LRP1B: variants seen among roughly 807,000 people sequenced by gnomAD.
LRP1B encodes the protein LDL receptor related protein 1B, also known as low-density lipoprotein receptor-related protein 1B.
Under a neutral mutation model 556.6 loss-of-function variants are expected in LRP1B, and 217 were observed. That is an observed-to-expected ratio of 0.39 (90% CI 0.35 to 0.44). The LOEUF (loss-of-function observed/expected upper bound fraction) is 0.44. Among genes scored for constraint, LRP1B ranks in the 20% least tolerant of loss-of-function variants. The probability of loss-of-function intolerance (pLI) is 1.00; values close to 1 mark genes in which losing one functional copy is unlikely to be tolerated. For missense variants in LRP1B, 5,053 were observed against 5,620.8 expected (o/e 0.90, Z 3.23); for synonymous variants, 2,047 against 1,865.8 (o/e 1.10, Z -2.50).
intron 2 of LRP1B, among the ~76,000 whole-genome samples, chr2:141,628,403 A>T (rs150725033): frequency 3.8e-3 from 586 of 152,228 alleles, no homozygotes; most frequent in Admixed American, 6.8e-3. Flanking sequence ...ACAAAAGCAA[A>T]CTGTACTCAC....
chr2:141,931,785 AC>A (rs1700514603), intron 1 of LRP1B, among the ~76,000 whole-genome samples: 1 of 152,056 alleles, frequency 6.6e-6, no homozygotes, highest in African/African-American at 2.4e-5. Context: ...TGCAAAAAGA[AC>A]CTGATTTCAA....
chr2:141,322,607 C>A (rs1393125391), intron 3 of LRP1B, among the ~76,000 whole-genome samples: 2 of 151,988 alleles, frequency 1.3e-5, no homozygotes, highest in Admixed American at 1.3e-4. Context: ...TGCTGTGAGA[C>A]TTGAGAGATG....
At chr2:141,722,382 G>A (rs1025164091) in intron 2 of LRP1B, among the ~76,000 whole-genome samples, 1 of 151,916 alleles carries the variant, frequency 6.6e-6, no homozygotes, top group Non-Finnish European at 1.5e-5. Flanking sequence ...CATCTTGGGG[G>A]GAAAAAATGG....
At chr2:141,333,021 C>G (rs1223749665) in intron 3 of LRP1B, among the ~76,000 whole-genome samples, 1 of 151,796 alleles carries the variant, frequency 6.6e-6, no homozygotes, top group African/African-American at 2.4e-5. Flanking sequence ...TTTTTAAAAT[C>G]TTTTTTTAAC....
chr2:140,547,500 T>C (rs1477084753), intron 43 of LRP1B, among the ~76,000 whole-genome samples: 2 of 152,102 alleles, frequency 1.3e-5, no homozygotes, highest in Non-Finnish European at 2.9e-5. Flanking sequence ...AGTGGTAATA[T>C]CTCCTTTCTC....
chr2:141,305,550 G>C (rs1393779506), intron 3 of LRP1B, among the ~76,000 whole-genome samples: 1 of 152,150 alleles, frequency 6.6e-6, no homozygotes, highest in Non-Finnish European at 1.5e-5. Flanking sequence ...GGGAGAATTT[G>C]AATTCCCGTT....
intron 7 of LRP1B, among the ~76,000 whole-genome samples, chr2:141,103,768 C>T (rs1479384477): frequency 6.6e-6 from 1 of 150,588 alleles, no homozygotes; most frequent in African/African-American, 2.4e-5. Flanking sequence ...TACAAAAGGC[C>T]TATATAAGCA....
chr2:140,402,889 C>G (rs1684568832), intron 66 of LRP1B, among the ~76,000 whole-genome samples: 2 of 152,166 alleles, frequency 1.3e-5, no homozygotes, highest in African/African-American at 4.8e-5. Context: ...GTGCATACCA[C>G]AGGAGAAGGA....
At chr2:141,027,199 G>T (rs147068379) in intron 11 of LRP1B, among the ~76,000 whole-genome samples, 50 of 152,144 alleles carry the variant, frequency 3.3e-4, no homozygotes, top group Non-Finnish European at 5.9e-4. Context: ...CAATCACAAA[G>T]ACCGTATATA....
At chr2:141,384,895 T>C (rs960042671) in intron 3 of LRP1B, among the ~76,000 whole-genome samples, 1 of 152,142 alleles carries the variant, frequency 6.6e-6, no homozygotes, top group Non-Finnish European at 1.5e-5. Context: ...TTCCTACCTC[T>C]CCCATCTGCC....
At chr2:141,144,602 C>T (rs1482396965) in intron 7 of LRP1B, among the ~76,000 whole-genome samples, 1 of 152,110 alleles carries the variant, frequency 6.6e-6, no homozygotes, top group East Asian at 1.9e-4. Context: ...ACTTTATAAC[C>T]ATACACTTCA....
chr2:141,848,325 G>A (rs527241434), intron 1 of LRP1B, among the ~76,000 whole-genome samples: 2 of 151,552 alleles, frequency 1.3e-5, no homozygotes, highest in African/African-American at 2.4e-5. Flanking sequence ...GTGAAGGGAG[G>A]ACATGAAATA....
At chr2:142,024,952 G>C (rs1703457409) in intron 1 of LRP1B, among the ~76,000 whole-genome samples, 1 of 152,034 alleles carries the variant, frequency 6.6e-6, no homozygotes, top group Admixed American at 6.6e-5. Flanking sequence ...TCATAAAGGG[G>C]TTTGCGTTCT....
intron 7 of LRP1B, among the ~76,000 whole-genome samples, chr2:141,171,009 T>A (rs1680477808): frequency 6.6e-6 from 1 of 152,092 alleles, no homozygotes; most frequent in Admixed American, 6.6e-5. Flanking sequence ...AATAAATAAA[T>A]AAAACTAGTA....
intron 2 of LRP1B, among the ~76,000 whole-genome samples, chr2:141,492,065 C>A (rs1683352884): frequency 1.3e-5 from 1 of 75,548 alleles, no homozygotes; most frequent in Non-Finnish European, 2.3e-5. Flanking sequence ...TTGAAAGTCA[C>A]TATTTAGCTT....
intron 2 of LRP1B, among the ~76,000 whole-genome samples, chr2:141,790,111 C>A (rs1000489133): frequency 6.6e-6 from 1 of 151,806 alleles, no homozygotes; most frequent in Non-Finnish European, 1.5e-5. Context: ...TGGACACACA[C>A]CGTTTGAATC....
At chr2:140,521,611 C>T (rs1335023195) in intron 49 of LRP1B, among the ~76,000 whole-genome samples, 1 of 151,942 alleles carries the variant, frequency 6.6e-6, no homozygotes, top group Non-Finnish European at 1.5e-5. Context: ...ATGAACCCTA[C>T]AAAGCAACTA....
rs536719226 is a variant in LRP1B, at chr2:140,850,812, G to A, written c.4712-483C>T. The stretch of plus-strand genomic sequence containing the variant: ...AATTAGGGTTCAAATAATTTAAAGC[G>A]TGCTTTTAGTGTATTTTTTTTGTAA... On this transcript the variant is annotated intron_variant, in intron 28 of 90. Transcript: ENST00000389484. Among the ~76,000 whole-genome samples, 18 of 152,114 alleles carry A rather than the reference G, an allele frequency of 1.2e-4. No homozygotes were observed. The East Asian group carries it at 1.4e-3, about 11-fold the overall frequency.
chr2:141,985,335 G>A (rs1702156698), intron 1 of LRP1B, among the ~76,000 whole-genome samples: 1 of 152,254 alleles, frequency 6.6e-6, no homozygotes, highest in African/African-American at 2.4e-5. Context: ...ATGCAAAGGA[G>A]CTTGAAAACT....
Sources: gnomAD v4.1 joint callset for allele counts (sites outside exome capture counted in the v4.1 genomes callset) on GRCh38, gnomAD v4.1.1 for gene constraint, MANE v1.5 for transcripts, NCBI Gene and HGNC (gene_info 2026-07-23, HGNC 2026-07-21) for gene names.